The following KPTN variants were observed in gnomAD, a reference collection of about 807,000 sequenced individuals.
KPTN encodes KICSTOR complex protein kaptin.
KPTN carries 36 observed loss-of-function variants against 52.6 expected under a neutral mutation model. The ratio of observed to expected loss-of-function variants is 0.68; its 90% CI spans 0.52 to 0.90. KPTN has a LOEUF of 0.90. Among genes scored for constraint, KPTN ranks in the 40% least tolerant of loss-of-function variants. The pLI, the probability that KPTN is intolerant of heterozygous loss-of-function variation, is 0.00. For missense variants in KPTN, 529 were observed against 576.2 expected, an observed-to-expected ratio of 0.92 and a Z score of 0.84; for synonymous variants, 271 against 248.4, an observed-to-expected ratio of 1.09 and a Z score of -0.85.
chr19:47,477,023 C>A, intron 9 of KPTN, 85 bp from the exon 10 acceptor site: 1 of 1,393,166 alleles, frequency 7.2e-7, no homozygotes, highest in Non-Finnish European at 9.8e-7. Context: ...GGTACCGGTA[C>A]TGCTTCCCTT....
Position 47,476,717 on chromosome 19 carries a change from G to A in KPTN, c.1000-3C>T. On this transcript the variant is annotated splice_region_variant and splice_polypyrimidine_tract_variant and intron_variant, in intron 10 of 11. Transcript: ENST00000338134. ...CGGTACTTATAACACAGCAGTTCCT[G>A]CGGGGGTGAAGAATCAGGTCACACA... is the stretch of plus-strand genomic sequence containing the variant. 1 of 1,610,328 alleles carries A rather than the reference G, an allele frequency of 6.2e-7. No individual in the cohort carries two copies. The highest frequency in any genetic ancestry group is 2.2e-5 in the East Asian group (1 of 44,666).
At chr19:47,479,529 C>T (rs752364723) in intron 8 of KPTN, among the ~76,000 whole-genome samples, 24 of 152,062 alleles carry the variant, frequency 1.6e-4, no homozygotes, top group Non-Finnish European at 2.6e-4. Flanking sequence ...CGATGTGAGA[C>T]GTGCAGGTTA....
intron 6 of KPTN, 74 bp from the exon 7 acceptor site, chr19:47,480,481 C>T: frequency 9.1e-7 from 1 of 1,102,962 alleles, no homozygotes; most frequent in Non-Finnish European, 1.3e-6. Flanking sequence ...TCCCCAGGGG[C>T]AGCCGCCCCT....
At chr19:47,482,772 C>CT (rs1967928772) in intron 4 of KPTN, among the ~76,000 whole-genome samples, 1 of 151,990 alleles carries the variant, frequency 6.6e-6, no homozygotes, top group Non-Finnish European at 1.5e-5. Context: ...GTGGTGCAAT[C>CT]TTGGCTCACT....
chr19:47,483,795 T>A, intron 1 of KPTN, 140 bp downstream of exon 1: 1 of 1,230,646 alleles, frequency 8.1e-7, no homozygotes, highest in East Asian at 2.5e-5. Context: ...CAACTATGCC[T>A]GCCCGCTGAT....
Position 47,484,011 on chromosome 19 carries a change from C to A in KPTN, c.150G>T (p.Val50=), listed in dbSNP as rs1469229529. The change falls in exon 1 of 12, where the codon GTG becomes GTT. Residue 50 remains valine (V), a synonymous_variant. Coordinates refer to ENST00000338134, the MANE Select transcript of KPTN (RefSeq NM_007059.4). Reference sequence around the variant, plus strand: ...GGAGGTCTTGGTAGCGGAAGCCGAGCACCTTGCCTTTAAGGGTGGCGGCCA... The same window carrying A: ...GGAGGTCTTGGTAGCGGAAGCCGAGAACCTTGCCTTTAAGGGTGGCGGCCA... ...ELLAATLKGK[V]LGFRYQDLRQ... 1.2e-6 allele frequency: 2 copies of A among 1,613,182 alleles called. No homozygotes were observed. The highest frequency in any genetic ancestry group is 1.7e-6 in the Non-Finnish European group (2 of 1,180,034).
intron 11 of KPTN, chr19:47,476,282 C>G: frequency 3.7e-6 from 1 of 273,870 alleles, no homozygotes; most frequent in Non-Finnish European, 6.5e-6. Context: ...GCGCTAGAGC[C>G]TGGGTGACAG....
At chr19:47,481,481 G>A (rs1369614039) in intron 4 of KPTN, 1 of 158,072 alleles carries the variant, frequency 6.3e-6, no homozygotes, top group Non-Finnish European at 1.4e-5. Flanking sequence ...TCTAGAATTT[G>A]CCATCATAGA....
chr19:47,480,408 C>A lies in KPTN; in HGVS notation c.600-1G>T, dbSNP rs1395739520. 18 of 1,544,156 alleles carry A rather than the reference C, an allele frequency of 1.2e-5. No individual in the cohort carries two copies. Among genetic ancestry groups the A allele is most frequent in the Non-Finnish European group, 1.4e-5 (16 of 1,143,458 alleles). The stretch of plus-strand genomic sequence containing the variant: ...GTTGTGGACGTCCAGCCAGAGGACG[C>A]TGGCGGGCGGGTGGATGGACAGGAC... On this transcript the variant is annotated splice_acceptor_variant, in intron 6 of 11. Coordinates refer to ENST00000338134, the MANE Select transcript of KPTN (RefSeq NM_007059.4). LOFTEE classifies it high-confidence loss of function.
chr19:47,482,473 T>C (rs1967911014), intron 4 of KPTN, among the ~76,000 whole-genome samples: 1 of 129,196 alleles, frequency 7.7e-6, no homozygotes, highest in Admixed American at 9.1e-5. Flanking sequence ...AGAGCGAGCA[T>C]CTATCTCAAA....
rs1299766801 is a variant in KPTN at position 47,479,911 on chromosome 19, C to T, written c.739G>A (p.Asp247Asn). 3.1e-6 allele frequency: 5 copies of T among 1,612,890 alleles called. No individual in the cohort carries two copies. The highest frequency in any genetic ancestry group is 2.2e-5 in the East Asian group (1 of 44,862). ...EVLQMWSVLQ[D>N]GPISRVIVFS... ...ACAATCACTCGGGAGATGGGACCGTCCTGCAGGACCGACCACATCTGCAGA... is the reference window on the plus strand; with the variant it reads ...ACAATCACTCGGGAGATGGGACCGTTCTGCAGGACCGACCACATCTGCAGA... Residue 247 changes from aspartate (D) to asparagine (N), a missense_variant, in exon 8 of 12, where the codon GAC becomes AAC. Transcript: ENST00000338134.
intron 6 of KPTN, 24 bp from the exon 7 acceptor site, chr19:47,480,431 G>C: frequency 2.7e-6 from 4 of 1,501,198 alleles, no homozygotes; most frequent in Non-Finnish European, 3.6e-6. Context: ...GGATGGACAG[G>C]ACGGACGGCC....
chr19:47,482,766 T>C (rs1487908120), intron 4 of KPTN, among the ~76,000 whole-genome samples: 2 of 152,016 alleles, frequency 1.3e-5, no homozygotes. Flanking sequence ...AGTGCTGTGG[T>C]GCAATCTTGG....
In KPTN at chr19:47,476,794, A is replaced by G; in HGVS notation, c.999+9T>C. The stretch of plus-strand genomic sequence containing the variant: ...GCCGGTGGGTGTGGCTCCAACTGTC[A>G]GGTCCCACCTGTCCATAGGTGGCCA... On this transcript the variant is annotated intron_variant, in intron 10 of 11. Coordinates refer to ENST00000338134, the MANE Select transcript of KPTN (RefSeq NM_007059.4). 1 of 1,592,880 alleles carries G rather than the reference A, an allele frequency of 6.3e-7. No individual in the cohort carries two copies. The highest frequency in any genetic ancestry group is 1.3e-5 in the African/African-American group (1 of 74,758).
chr19:47,480,726 G>C (rs377103680), intron 6 of KPTN, 34 bp downstream of exon 6: 30 of 1,593,590 alleles, frequency 1.9e-5, no homozygotes, highest in African/African-American at 2.7e-5. Flanking sequence ...TCAGTGCCCC[G>C]GTCCCCAGTG....
chr19:47,477,615 C>T (rs373771957), intron 9 of KPTN, 91 bp downstream of exon 9: 2 of 992,184 alleles, frequency 2.0e-6, no homozygotes. Flanking sequence ...GGTAATCCAC[C>T]CAGAGGAACT....
intron 8 of KPTN, among the ~76,000 whole-genome samples, chr19:47,478,990 T>C (rs1033854913): frequency 6.6e-6 from 1 of 152,230 alleles, no homozygotes; most frequent in African/African-American, 2.4e-5. Context: ...TCCATCACTA[T>C]AGAATTCATC....
At chr19:47,480,477 G>A in intron 6 of KPTN, 70 bp from the exon 7 acceptor site, 5 of 1,163,006 alleles carry the variant, frequency 4.3e-6, no homozygotes, top group Non-Finnish European at 4.9e-6. Flanking sequence ...TGCCTCCCCA[G>A]GGGCAGCCGC....
chr19:47,480,195 ATCC>A, intron 7 of KPTN, 100 bp downstream of exon 7: 1 of 506,902 alleles, frequency 2.0e-6, no homozygotes, highest in Non-Finnish European at 3.3e-6. Context: ...CAACCCACTT[ATCC>A]TCCTCCCCTA....
Sources: gnomAD v4.1 joint callset for allele counts (sites outside exome capture counted in the v4.1 genomes callset) on GRCh38, gnomAD v4.1.1 for gene constraint, MANE v1.5 for transcripts, NCBI Gene and HGNC (gene_info 2026-07-23, HGNC 2026-07-21) for gene names.